Variants in TCERG1 observed in about 807,000 individuals in gnomAD.
TCERG1 encodes the protein TATA box binding protein (TBP)-associated factor, RNA polymerase II, S, 150kD.
In TCERG1, 37 loss-of-function variants were observed where a neutral mutation model predicts 144.7. The observed-to-expected ratio is 0.26, with a 90% confidence interval of 0.20 to 0.34. TCERG1 has a LOEUF of 0.34. TCERG1 is among the 10% of genes least tolerant of loss of function. The pLI, the probability that TCERG1 is intolerant of heterozygous loss-of-function variation, is 1.00. For missense variants in TCERG1, 1,027 were observed against 1,380.7 expected (o/e 0.74, Z 4.06); for synonymous variants, 492 against 458.2 (o/e 1.07, Z -0.94).
chr5:146,498,491 G>T, intron 16 of TCERG1, 45 bp from the exon 17 acceptor site: 1 of 1,565,500 alleles, frequency 6.4e-7, no homozygotes. Context: ...CTTTATACAA[G>T]CAGAAGTAAC....
rs1768084736 is a variant in TCERG1, at chr5:146,507,221, A to G, written c.2961+14A>G. 2 of 1,553,504 alleles carry G rather than the reference A, an allele frequency of 1.3e-6. No individual in the cohort carries two copies. The highest frequency in any genetic ancestry group is 2.8e-5 in the African/African-American group (2 of 71,794). ...GAAACTTCTGCAGTAAGAATCTCTT[A>G]TTTTTCTCATTTTAATCTGGATGAA... On this transcript the variant is annotated intron_variant, in intron 20 of 22. Coordinates refer to ENST00000679501, the MANE Select transcript of TCERG1 (RefSeq NM_001382548.1). This position sits in a 1 kb window ranked among gnomAD's most constrained non-coding sequence, Gnocchi z 4.6.
chr5:146,482,946 TTAACA>T (rs1417181255), intron 14 of TCERG1, among the ~76,000 whole-genome samples: 10 of 152,238 alleles, frequency 6.6e-5, no homozygotes, highest in Non-Finnish European at 1.0e-4. Flanking sequence ...CAAATAACAC[TTAACA>T]TTTATTGGGT....
intron 9 of TCERG1, among the ~76,000 whole-genome samples, chr5:146,474,267 A>C (rs1056884849): frequency 1.3e-5 from 2 of 152,194 alleles, no homozygotes; most frequent in African/African-American, 4.8e-5. Flanking sequence ...GAAGGAAGTC[A>C]CTGCAGATGT....
chr5:146,449,689 G>C (rs1196231484), intron 1 of TCERG1, among the ~76,000 whole-genome samples: 1 of 152,098 alleles, frequency 6.6e-6, no homozygotes, highest in African/African-American at 2.4e-5. Flanking sequence ...AAATATTTTT[G>C]TTCCTTCTAT....
chr5:146,456,200 A>G (rs1292766956), intron 2 of TCERG1, among the ~76,000 whole-genome samples: 3 of 152,244 alleles, frequency 2.0e-5, no homozygotes, highest in East Asian at 1.9e-4. Flanking sequence ...CTAATAACGA[A>G]TAGCCTCTCC....
At chr5:146,506,700 C>A (rs548421652) in intron 19 of TCERG1, among the ~76,000 whole-genome samples, 8 of 152,294 alleles carry the variant, frequency 5.3e-5, no homozygotes, top group African/African-American at 1.9e-4. Context: ...TGACCATCTA[C>A]TCTCTATTTC....
chr5:146,507,341 T>C lies in TCERG1; in HGVS notation c.2961+134T>C. On this transcript the variant is annotated intron_variant, in intron 20 of 22. Transcript: ENST00000679501. This position sits in a 1 kb window ranked among gnomAD's most constrained non-coding sequence, Gnocchi z 4.6. ...TGGAATGCATCTTATGACAATTCTC[T>C]GATTTTAAAAAATTATGGTATTCTT... 2 of 834,430 alleles carry C rather than the reference T, an allele frequency of 2.4e-6. No individual in the cohort carries two copies. The highest frequency in any genetic ancestry group is 3.5e-6 in the Non-Finnish European group (2 of 574,200). 51.7% of individuals were successfully genotyped at this position (834,430 alleles called of 1,614,324 possible). A position where few individuals can be genotyped will look rare whatever the true frequency, so the allele number is the denominator to read the frequency against.
At chr5:146,447,493 C>T (rs1238961105) in intron 1 of TCERG1, 85 bp downstream of exon 1, 13 of 1,514,950 alleles carry the variant, frequency 8.6e-6, no homozygotes, top group East Asian at 2.5e-5. Flanking sequence ...AGATCCGGGG[C>T]GGACGGTGGG....
intron 9 of TCERG1, among the ~76,000 whole-genome samples, chr5:146,476,644 T>C (rs888920852): frequency 2.0e-5 from 3 of 152,242 alleles, no homozygotes; most frequent in Admixed American, 1.3e-4. Context: ...GTGGTTTCTC[T>C]GTTTGAGTAT....
In TCERG1 at chr5:146,503,471, T is replaced by C; in HGVS notation, c.2530T>C (p.Tyr844His). 6.2e-7 allele frequency: 1 copy of C among 1,614,048 alleles called. No individual in the cohort carries two copies. Among genetic ancestry groups the C allele is most frequent in the Non-Finnish European group, 8.5e-7 (1 of 1,179,944 alleles). Reference protein sequence around the residue: ...VKDKVESDPRYKAVDSSSMRE... With the variant: ...VKDKVESDPRHKAVDSSSMRE... Reference sequence around the variant, plus strand: ...AGACAAAGTAGAAAGTGATCCACGTTACAAAGCAGTAGATAGTTCATCAAT... The same window carrying C: ...AGACAAAGTAGAAAGTGATCCACGTCACAAAGCAGTAGATAGTTCATCAAT... The change falls in exon 18 of 23, where the codon TAC becomes CAC. Residue 844 changes from tyrosine to histidine, a missense_variant. Around this residue, in one of 6 missense-constraint regions of TCERG1, gnomAD observed 482 missense variants for 632.6 expected, o/e 0.76. Coordinates refer to ENST00000679501, the MANE Select transcript of TCERG1 (RefSeq NM_001382548.1).
At chr5:146,462,784 T>A (rs900266747) in intron 4 of TCERG1, among the ~76,000 whole-genome samples, 2 of 152,220 alleles carry the variant, frequency 1.3e-5, no homozygotes, top group African/African-American at 4.8e-5. Flanking sequence ...TGTTTATTAC[T>A]CTTCCATACA....
rs781437466 is a variant in TCERG1 at position 146,455,296 on chromosome 5, G to T, written c.285+15G>T. 1.2e-6 allele frequency: 2 copies of T among 1,612,498 alleles called. No homozygotes were observed. The highest frequency in any genetic ancestry group is 2.2e-5 in the East Asian group (1 of 44,844). On this transcript the variant is annotated intron_variant, in intron 2 of 22. Coordinates refer to ENST00000679501, the MANE Select transcript of TCERG1 (RefSeq NM_001382548.1). ...CACACCTCCAGGTAAAGAATGTAGA[G>T]GTTGCCATTTCTTTGTTGGCATCAT...
chr5:146,452,550 G>A (rs559486541), intron 1 of TCERG1, among the ~76,000 whole-genome samples: 2 of 152,234 alleles, frequency 1.3e-5, no homozygotes, highest in South Asian at 4.2e-4. Flanking sequence ...TTCCTACTCT[G>A]AAGGAGCATT....
At chr5:146,483,462 GTAGATT>G in intron 14 of TCERG1, 72 bp from the exon 15 acceptor site, 1 of 1,280,342 alleles carries the variant, frequency 7.8e-7, no homozygotes, top group Non-Finnish European at 1.1e-6. Context: ...CAGATATCCT[GTAGATT>G]TCAAGCAAAA....
At chr5:146,456,893 A>G (rs1305335696) in intron 2 of TCERG1, among the ~76,000 whole-genome samples, 3 of 152,242 alleles carry the variant, frequency 2.0e-5, no homozygotes, top group South Asian at 2.1e-4. Context: ...TTTTTTAAAA[A>G]AAGTAATCCA....
At chr5:146,498,079 AG>A (rs1767095743) in intron 16 of TCERG1, among the ~76,000 whole-genome samples, 1 of 151,852 alleles carries the variant, frequency 6.6e-6, no homozygotes, top group South Asian at 2.1e-4. Context: ...CCCTTCTTTC[AG>A]GCATTTCAGT....
At position 146,461,100 on chromosome 5, in the gene TCERG1, A is replaced by G. The variant is rs549110089; in HGVS notation, c.892+1763A>G. Among the ~76,000 whole-genome samples the G allele has an allele frequency of 1.6e-4, 24 of 152,286 alleles. No individual in the cohort carries two copies. The South Asian group carries it at 1.7e-3, about 11-fold the overall frequency. On this transcript the variant is annotated intron_variant, in intron 4 of 22. Transcript: ENST00000679501. Reference sequence around the variant, plus strand: ...ATGAGCTAGATAATTTAACCATACTATATATAGTCCATGTCTGTTTTCAGA... The same window carrying G: ...ATGAGCTAGATAATTTAACCATACTGTATATAGTCCATGTCTGTTTTCAGA...
chr5:146,500,852 C>CA (rs1257585222), intron 17 of TCERG1, among the ~76,000 whole-genome samples: 1 of 151,696 alleles, frequency 6.6e-6, no homozygotes, highest in Non-Finnish European at 1.5e-5. Flanking sequence ...TACAACAAAA[C>CA]AAAAAAATAG....
chr5:146,449,417 A>T (rs1762169971), intron 1 of TCERG1, among the ~76,000 whole-genome samples: 1 of 152,222 alleles, frequency 6.6e-6, no homozygotes, highest in Non-Finnish European at 1.5e-5. Context: ...AAATGAAATC[A>T]ACCACATCAA....
Sources: allele counts gnomAD v4.1 joint callset (sites outside exome capture counted in the v4.1 genomes callset), GRCh38; gene constraint gnomAD v4.1.1; regional missense constraint gnomAD v4.1.1; non-coding constraint Gnocchi (gnomAD v3.1); transcripts MANE v1.5; gene names NCBI Gene and HGNC (gene_info 2026-07-23, HGNC 2026-07-21).